Variants in FGF14 observed in about 807,000 individuals in gnomAD.
FGF14 encodes the protein fibroblast growth factor homologous factor 4.
In FGF14, 5 loss-of-function variants were observed where a neutral mutation model predicts 25.5. The ratio of observed to expected loss-of-function variants is 0.20; its 90% CI spans 0.10 to 0.41. The LOEUF is 0.41. FGF14 is among the 10% of genes least tolerant of loss of function. The pLI is 1.00. For synonymous variants in FGF14, 138 were observed against 118.3 expected, an observed-to-expected ratio of 1.17 and a Z score of -1.08; for missense variants, 222 against 320.1, an observed-to-expected ratio of 0.69 and a Z score of 2.34.
intron 1 of FGF14, among the ~76,000 whole-genome samples, chr13:102,258,247 T>C (rs1166228062): frequency 2.6e-5 from 4 of 151,946 alleles, no homozygotes; most frequent in Admixed American, 1.3e-4. Flanking sequence ...CAATTCAAGA[T>C]GAGATTTGGG....
At chr13:101,900,588 G>A (rs1459189466) in intron 1 of FGF14, among the ~76,000 whole-genome samples, 1 of 152,110 alleles carries the variant, frequency 6.6e-6, no homozygotes, top group African/African-American at 2.4e-5. Context: ...AGTACATGCT[G>A]CATAACATCA....
intron 3 of FGF14, among the ~76,000 whole-genome samples, chr13:101,830,882 G>A (rs2042637388): frequency 6.6e-6 from 1 of 151,958 alleles, no homozygotes; most frequent in African/African-American, 2.4e-5. Context: ...TCCTTGGCTT[G>A]TGGCTCCTCT....
rs796280398 is a variant in FGF14 at position 102,161,573 on chromosome 13, G to A, written c.208+239898C>T. Among the ~76,000 whole-genome samples, 24 of 5,500 alleles carry A rather than the reference G, an allele frequency of 4.4e-3. 6 individuals carry two copies. Among genetic ancestry groups the A allele is most frequent in the Admixed American group, 0.035 (11 of 312 alleles). 3.6% of individuals were successfully genotyped at this position (5,500 alleles called of 152,430 possible). A position where few individuals can be genotyped will look rare whatever the true frequency, so the allele number is the denominator to read the frequency against. On this transcript the variant is annotated intron_variant, in intron 1 of 4. Transcript: ENST00000376131. ...ATGCAACCAACTTTCTGTGAAGAAA[G>A]AAAGAAGAAGAAGAAGAAGAAGAAG...
rs1363330533 is a variant in FGF14, at chr13:102,227,134, C to T, written c.208+174337G>A. Among the ~76,000 whole-genome samples, 5 of 152,102 alleles carry T rather than the reference C, an allele frequency of 3.3e-5. No individual in the cohort carries two copies. In the East Asian group the frequency reaches 9.7e-4, roughly 29 times the overall value. On this transcript the variant is annotated intron_variant, in intron 1 of 4. Coordinates refer to the FGF14 transcript ENST00000376131. Reference sequence around the variant, plus strand: ...GATTCTTATTTTTCTCAAAATAAAGCCTATATTATTATTATAACACTCAAG... The same window carrying T: ...GATTCTTATTTTTCTCAAAATAAAGTCTATATTATTATTATAACACTCAAG...
intron 1 of FGF14, among the ~76,000 whole-genome samples, chr13:101,932,282 C>A (rs1278078419): frequency 6.6e-6 from 1 of 151,984 alleles, no homozygotes; most frequent in Non-Finnish European, 1.5e-5. Flanking sequence ...GTGATCCCAG[C>A]ACTTTGGGAG....
At chr13:101,928,168 G>T (rs574246692) in intron 1 of FGF14, among the ~76,000 whole-genome samples, 37 of 152,260 alleles carry the variant, frequency 2.4e-4, no homozygotes, top group African/African-American at 8.9e-4. Context: ...CTGCTGCCCA[G>T]GAGATTTTCC....
At chr13:101,988,699 C>T (rs1381088363) in intron 1 of FGF14, among the ~76,000 whole-genome samples, 2 of 69,064 alleles carry the variant, frequency 2.9e-5, no homozygotes, top group Non-Finnish European at 5.2e-5. Flanking sequence ...CACACTGGGG[C>T]CTGTTGTGGG....
chr13:102,320,385 C>G (rs929363748), intron 1 of FGF14, among the ~76,000 whole-genome samples: 3 of 152,162 alleles, frequency 2.0e-5, no homozygotes, highest in African/African-American at 7.2e-5. Context: ...TCTCCTGACC[C>G]TGCAAACACT....
chr13:101,994,852 T>C (rs536575218), intron 1 of FGF14, among the ~76,000 whole-genome samples: 7 of 152,170 alleles, frequency 4.6e-5, no homozygotes, highest in South Asian at 2.1e-4. Flanking sequence ...ATTCCCAACA[T>C]AATCAAAAGG....
chr13:102,398,356 T>G (rs1179082240), intron 1 of FGF14, among the ~76,000 whole-genome samples: 1 of 152,204 alleles, frequency 6.6e-6, no homozygotes, highest in Non-Finnish European at 1.5e-5. Context: ...AGCGGTGCTC[T>G]GAAATTCCAC....
At chr13:101,968,986 T>A (rs559896033) in intron 1 of FGF14, among the ~76,000 whole-genome samples, 1 of 151,958 alleles carries the variant, frequency 6.6e-6, no homozygotes, top group African/African-American at 2.4e-5. Context: ...TTCCTTGGTA[T>A]GGACAGAAGA....
At chr13:102,130,643 C>G (rs2046156701) in intron 1 of FGF14, among the ~76,000 whole-genome samples, 1 of 152,056 alleles carries the variant, frequency 6.6e-6, no homozygotes, top group South Asian at 2.1e-4. Flanking sequence ...GACGGTTCTA[C>G]CTATCACAGG....
chr13:101,951,061 ATAGC>A (rs897056806), intron 1 of FGF14, among the ~76,000 whole-genome samples: 67 of 152,284 alleles, frequency 4.4e-4, no homozygotes, highest in African/African-American at 1.4e-3. Context: ...ACTAAAGAAA[ATAGC>A]TAGAGCTACA....
At chr13:102,102,060 T>C (rs919582802) in intron 1 of FGF14, among the ~76,000 whole-genome samples, 7 of 152,294 alleles carry the variant, frequency 4.6e-5, no homozygotes, top group African/African-American at 1.7e-4. Context: ...ATACTTATCC[T>C]ACTCAGCATT....
chr13:102,054,191 CTT>C (rs1308960162), intron 1 of FGF14, among the ~76,000 whole-genome samples: 1 of 152,090 alleles, frequency 6.6e-6, no homozygotes, highest in Non-Finnish European at 1.5e-5. Flanking sequence ...AAAAATGTAA[CTT>C]AAGAAATATT....
chr13:102,126,213 G>A (rs1048356007), intron 1 of FGF14, among the ~76,000 whole-genome samples: 4 of 152,074 alleles, frequency 2.6e-5, no homozygotes, highest in African/African-American at 4.8e-5. Flanking sequence ...CATTAAGCAA[G>A]AACTCCCATT....
chr13:102,365,140 C>T (rs2057673494), intron 1 of FGF14, among the ~76,000 whole-genome samples: 1 of 152,148 alleles, frequency 6.6e-6, no homozygotes, highest in Admixed American at 6.5e-5. Flanking sequence ...TCCCTTGAGC[C>T]AGGCAGTCAC....
chr13:101,925,761 A>T (rs1398280135), intron 1 of FGF14, among the ~76,000 whole-genome samples: 2 of 152,206 alleles, frequency 1.3e-5, no homozygotes, highest in African/African-American at 2.4e-5. Context: ...GCATAAACTT[A>T]GTTGCTTTTA....
At chr13:102,113,919 A>G (rs548383334) in intron 1 of FGF14, among the ~76,000 whole-genome samples, 17 of 152,352 alleles carry the variant, frequency 1.1e-4, no homozygotes, top group Admixed American at 7.2e-4. Context: ...AAGAAAAGGC[A>G]TCAAGGCCAC....
Sources: gnomAD v4.1 joint callset for allele counts (sites outside exome capture counted in the v4.1 genomes callset) on GRCh38, gnomAD v4.1.1 for gene constraint, MANE v1.5 for transcripts, NCBI Gene and HGNC (gene_info 2026-07-23, HGNC 2026-07-21) for gene names.